The following FRMD4B variants were observed in gnomAD, a reference collection of about 807,000 sequenced individuals.
FRMD4B encodes FERM domain containing 4B, also known as FERM domain-containing protein 4B.
Under a neutral mutation model 141.5 loss-of-function variants are expected in FRMD4B, and 74 were observed. That is an observed-to-expected ratio of 0.52 (90% CI 0.43 to 0.63). FRMD4B has a LOEUF of 0.63. Among genes scored for constraint, FRMD4B ranks in the 30% least tolerant of loss-of-function variants. FRMD4B has a pLI of 0.00. For missense variants in FRMD4B, 1,366 were observed against 1,253.4 expected, an observed-to-expected ratio of 1.09 and a Z score of -1.36; for synonymous variants, 506 against 467.9, an observed-to-expected ratio of 1.08 and a Z score of -1.05.
chr3:69,278,224 C>T lies in FRMD4B; in HGVS notation c.501+9528G>A, dbSNP rs548913744. Among the ~76,000 whole-genome samples the T allele has an allele frequency of 2.1e-3, 322 of 152,274 alleles. 2 individuals carry two copies. Among genetic ancestry groups the T allele is most frequent in the African/African-American group, 7.4e-3 (306 of 41,560 alleles). On this transcript the variant is annotated intron_variant, in intron 5 of 22. Transcript: ENST00000398540. ...TTGCTTTAAAAAAGAATTTCACATA[C>T]AGATAAGTTTGGAAAGTATTAGGTT...
chr3:69,329,444 G>A (rs1038006263), intron 1 of FRMD4B, among the ~76,000 whole-genome samples: 5 of 151,342 alleles, frequency 3.3e-5, no homozygotes, highest in African/African-American at 9.7e-5. Context: ...CTCCCTCCCG[G>A]GTTCAAGCAA....
chr3:69,247,944 C>T (rs868084242), intron 7 of FRMD4B, among the ~76,000 whole-genome samples: 2 of 152,022 alleles, frequency 1.3e-5, no homozygotes, highest in Non-Finnish European at 2.9e-5. Context: ...CCACCGTGCC[C>T]GGCCACCCAG....
chr3:69,364,350 GGCAGGAA>G (rs1703572782), intron 1 of FRMD4B, among the ~76,000 whole-genome samples: 2 of 152,300 alleles, frequency 1.3e-5, no homozygotes, highest in Admixed American at 1.3e-4. Context: ...TGGTGGCCAC[GGCAGGAA>G]GCATGCGCTG....
At chr3:69,410,424 A>G (rs1482397250) in intron 2 of FRMD4B, among the ~76,000 whole-genome samples, 1 of 152,038 alleles carries the variant, frequency 6.6e-6, no homozygotes, top group Non-Finnish European at 1.5e-5. Flanking sequence ...GAGGGTGAGC[A>G]TGTCTGTGCA....
chr3:69,493,740 C>A (rs1034491432), intron 1 of FRMD4B, among the ~76,000 whole-genome samples: 5 of 152,112 alleles, frequency 3.3e-5, no homozygotes, highest in African/African-American at 1.2e-4. Context: ...AAGGCAGGGG[C>A]TGTGTTTACC....
At chr3:69,529,449 AG>A (rs1213423936) in intron 1 of FRMD4B, among the ~76,000 whole-genome samples, 1 of 152,130 alleles carries the variant, frequency 6.6e-6, no homozygotes, top group Non-Finnish European at 1.5e-5. Context: ...GACTTGACTC[AG>A]GGGATGCTGC....
At position 69,169,359 on chromosome 3, in the gene FRMD4B, T is replaced by TCC. The variant is rs1175753249; in HGVS notation, c.*2501_*2502insGG. Among the ~76,000 whole-genome samples the TCC allele has an allele frequency of 1.6e-4, 21 of 131,506 alleles. 2 individuals carry two copies. Among genetic ancestry groups the TCC allele is most frequent in the Non-Finnish European group, 2.4e-4 (16 of 66,778 alleles). The allele number at this position is 131,506 out of a possible 152,430, so 86.3% of individuals were successfully genotyped here. On this transcript the variant is annotated 3_prime_UTR_variant, in exon 23 of 23. Coordinates refer to ENST00000398540, the MANE Select transcript of FRMD4B (RefSeq NM_015123.3). ...GCTGAACTTCCATTTCTTTCTTTTTTTTTTTTTTTTTTTTTTCTTGAGACA... is the reference window on the plus strand; with the variant it reads ...GCTGAACTTCCATTTCTTTCTTTTTTCCTTTTTTTTTTTTTTTTCTTGAGACA...
intron 1 of FRMD4B, among the ~76,000 whole-genome samples, chr3:69,362,324 T>C (rs1266684326): frequency 1.3e-5 from 2 of 152,216 alleles, no homozygotes; most frequent in African/African-American, 4.8e-5. Flanking sequence ...GCTTTGAACC[T>C]ACACAGTTTG....
chr3:69,474,496 C>T (rs1043928667), intron 1 of FRMD4B, among the ~76,000 whole-genome samples: 1 of 152,114 alleles, frequency 6.6e-6, no homozygotes, highest in African/African-American at 2.4e-5. Context: ...TTAAAATCCC[C>T]AGCCCAAAGG....
chr3:69,300,731 T>A (rs920116135), intron 4 of FRMD4B, among the ~76,000 whole-genome samples: 1 of 152,170 alleles, frequency 6.6e-6, no homozygotes, highest in African/African-American at 2.4e-5. Flanking sequence ...CCTATTGGTT[T>A]TTTTTGTTTT....
At chr3:69,380,710 A>G (rs1237017520) in intron 1 of FRMD4B, among the ~76,000 whole-genome samples, 2 of 152,108 alleles carry the variant, frequency 1.3e-5, no homozygotes, top group African/African-American at 4.8e-5. Context: ...AGGGGAGCTG[A>G]CCCAGCCTCT....
intron 1 of FRMD4B, among the ~76,000 whole-genome samples, chr3:69,455,408 C>T (rs567042632): frequency 1.5e-4 from 23 of 152,346 alleles, no homozygotes; most frequent in Admixed American, 7.2e-4. Context: ...TGCAGCTTCT[C>T]ATCTGAGAAC....
intron 5 of FRMD4B, among the ~76,000 whole-genome samples, chr3:69,284,899 G>A (rs559126102): frequency 7.2e-5 from 11 of 152,298 alleles, no homozygotes; most frequent in East Asian, 1.9e-4. Flanking sequence ...GGTGGCTCAT[G>A]CCTGTAAATC....
At chr3:69,298,112 T>C (rs921376247) in intron 4 of FRMD4B, among the ~76,000 whole-genome samples, 1 of 152,200 alleles carries the variant, frequency 6.6e-6, no homozygotes, top group Non-Finnish European at 1.5e-5. Context: ...CAGGAGTAAA[T>C]GAGACAATAC....
chr3:69,257,823 G>C (rs1006803558), intron 5 of FRMD4B, among the ~76,000 whole-genome samples: 1 of 151,458 alleles, frequency 6.6e-6, no homozygotes, highest in Non-Finnish European at 1.5e-5. Flanking sequence ...CACCATGCCT[G>C]GCTAATTTTT....
At chr3:69,265,430 G>T (rs1391757825) in intron 5 of FRMD4B, among the ~76,000 whole-genome samples, 1 of 145,930 alleles carries the variant, frequency 6.9e-6, no homozygotes, top group Non-Finnish European at 1.5e-5. Flanking sequence ...AGATGGCTAG[G>T]TGGCACATTT....
At chr3:69,215,675 T>C (rs1395948095) in intron 11 of FRMD4B, among the ~76,000 whole-genome samples, 6 of 152,044 alleles carry the variant, frequency 3.9e-5, no homozygotes, top group African/African-American at 1.2e-4. Context: ...GAAACAGAGA[T>C]AATAGCAGCA....
intron 7 of FRMD4B, among the ~76,000 whole-genome samples, chr3:69,242,618 G>T (rs1419282104): frequency 1.3e-4 from 17 of 135,598 alleles, no homozygotes. Context: ...GCAAAATGTA[G>T]TCACTCACTT....
chr3:69,278,680 G>A (rs2093630132), intron 5 of FRMD4B, among the ~76,000 whole-genome samples: 1 of 151,660 alleles, frequency 6.6e-6, no homozygotes, highest in African/African-American at 2.4e-5. Context: ...TCCACCTCCT[G>A]GGTTCAAGCG....
Sources: allele counts gnomAD v4.1 joint callset (sites outside exome capture counted in the v4.1 genomes callset), GRCh38; gene constraint gnomAD v4.1.1; transcripts MANE v1.5; gene names NCBI Gene and HGNC (gene_info 2026-07-23, HGNC 2026-07-21).